Variants in BAIAP3 observed in about 807,000 individuals in gnomAD.
The protein encoded by BAIAP3 is BAI1-associated protein 3.
BAIAP3 carries 180 observed loss-of-function variants against 149.7 expected under a neutral mutation model. The ratio of observed to expected loss-of-function variants is 1.20; its 90% confidence interval spans 1.07 to 1.36. The LOEUF (loss-of-function observed/expected upper bound fraction) is 1.36. BAIAP3 is among the 40% of genes most tolerant of loss of function. The pLI is 0.00. For synonymous variants in BAIAP3, 845 were observed against 670.7 expected, an observed-to-expected ratio of 1.26 and a Z score of -4.02; for missense variants, 1,767 against 1,563.4, an observed-to-expected ratio of 1.13 and a Z score of -2.20.
At chr16:1,342,877 G>C in intron 13 of BAIAP3, 36 bp from the exon 14 acceptor site, 1 of 1,611,786 alleles carries the variant, frequency 6.2e-7, no homozygotes, top group Non-Finnish European at 8.5e-7. Flanking sequence ...ATGTGGGGCT[G>C]TCCCGCCTCC....
rs1171455921 is a variant in BAIAP3 at position 1,346,875 on chromosome 16, C to T, written c.2671C>T (p.Leu891Phe). The T allele has an allele frequency of 6.2e-7, 1 of 1,608,458 alleles. No homozygotes were observed. The highest frequency in any genetic ancestry group is 1.1e-5 in the South Asian group (1 of 90,582). The change falls in exon 28 of 34, where the codon CTC becomes TTC. Residue 891 changes from leucine to phenylalanine, a missense_variant. Transcript: ENST00000426824. ...RVLEALWELL[L>F]QAILQALGAN... The stretch of plus-strand genomic sequence containing the variant: ...GCTGGAGGCCCTGTGGGAGCTACTC[C>T]TCCAGGCCATTCTGCAGGCGCTGGG...
Position 1,346,064 on chromosome 16 carries a change from G to A in BAIAP3, c.2287G>A (p.Ala763Thr). ...CACTCAGCCAGGGGCGGCCGGTGAA[G>A]CAGTGAGCGAGGCGGTGAGTGACCA... ...VDTQPGAAGE[A>T]VSEALCVVLN... Residue 763 changes from alanine (A) to threonine (T), a missense_variant, in exon 24 of 34, where the codon GCA becomes ACA. Coordinates refer to ENST00000426824, the MANE Select transcript of BAIAP3 (RefSeq NM_001199097.2). 1 of 1,611,324 alleles carries A rather than the reference G, an allele frequency of 6.2e-7. No homozygotes were observed. The highest frequency in any genetic ancestry group is 8.5e-7 in the Non-Finnish European group (1 of 1,179,476).
Position 1,345,106 on chromosome 16 carries a change from G to T in BAIAP3, c.1940+7G>T. Reference sequence around the variant, plus strand: ...GGGATAGCATCCCTGGCCGGTGGGTGCCCCGTCCCTATCTCTTGCAGACAG... The same window carrying T: ...GGGATAGCATCCCTGGCCGGTGGGTTCCCCGTCCCTATCTCTTGCAGACAG... On this transcript the variant is annotated splice_region_variant and intron_variant, in intron 21 of 33. Coordinates refer to ENST00000426824, the MANE Select transcript of BAIAP3 (RefSeq NM_001199097.2). The T allele has an allele frequency of 6.2e-7, 1 of 1,612,410 alleles. No individual in the cohort carries two copies. Among genetic ancestry groups the T allele is most frequent in the Non-Finnish European group, 8.5e-7 (1 of 1,179,952 alleles).
chr16:1,342,320 G>T, intron 11 of BAIAP3, 37 bp downstream of exon 11: 1 of 1,597,146 alleles, frequency 6.3e-7, no homozygotes, highest in Non-Finnish European at 8.6e-7. Context: ...GACACTTAGA[G>T]AAGGGCCTGG....
chr16:1,343,608 C>CCCT, intron 15 of BAIAP3, 95 bp downstream of exon 15: 1 of 1,513,090 alleles, frequency 6.6e-7, no homozygotes, highest in Non-Finnish European at 8.9e-7. Context: ...AGAGTCCTGC[C>CCCT]CGCGTGGGGG....
rs758619594 is a variant in BAIAP3, at chr16:1,338,636, A to G, written c.87A>G (p.Pro29=). The change falls in exon 2 of 34, where the codon CCA becomes CCG. Residue 29 remains proline, a synonymous_variant. Coordinates refer to ENST00000426824, the MANE Select transcript of BAIAP3 (RefSeq NM_001199097.2). ...TCCGCCGCAGGACTGAGCAGGACCC[A>G]GGGAGTGCCAGCGCCGACCCGCAGG... ...PSFRRRTEQD[P]GSASADPQEP... The G allele has an allele frequency of 3.8e-6, 6 of 1,598,426 alleles. No homozygotes were observed. The highest frequency in any genetic ancestry group is 1.9e-4 in the Middle Eastern group (1 of 5,308).
In BAIAP3 at chr16:1,346,737, G is replaced by A. The variant is rs542789937; in HGVS notation, c.2642+53G>A. ...GGGCTGGCCCGTGGTCACTGAGGCCGCCCTGCAGGGTGCCGGAGGCCCTGT... is the reference window on the plus strand; with the variant it reads ...GGGCTGGCCCGTGGTCACTGAGGCCACCCTGCAGGGTGCCGGAGGCCCTGT... On this transcript the variant is annotated intron_variant, in intron 27 of 33. Transcript: ENST00000426824. The A allele has an allele frequency of 2.0e-4, 310 of 1,527,572 alleles. 2 individuals carry two copies. The highest frequency in any genetic ancestry group is 7.1e-4 in the South Asian group (59 of 83,450). The allele number at this position is 1,527,572 out of a possible 1,614,324, so 94.6% of individuals were successfully genotyped here. A position where few individuals can be genotyped will look rare whatever the true frequency, so the allele number is the denominator to read the frequency against.
rs771866736 is a variant in BAIAP3, at chr16:1,344,687, C to T, written c.1746C>T (p.Ser582=). ...DLQFCYSVYA[S]LFHSILNVDV... is the part of the protein sequence containing the mutation. ...AGTTCTGCTACAGTGTGTACGCCAGCCTCTTCCACAGGTGGGCCTGGCCCC... is the reference window on the plus strand; with the variant it reads ...AGTTCTGCTACAGTGTGTACGCCAGTCTCTTCCACAGGTGGGCCTGGCCCC... The change falls in exon 19 of 34, where the codon AGC becomes AGT. Residue 582 remains serine, a synonymous_variant. Transcript: ENST00000426824. The T allele has an allele frequency of 6.2e-7, 1 of 1,613,686 alleles. No homozygotes were observed. The highest frequency in any genetic ancestry group is 2.2e-5 in the East Asian group (1 of 44,884).
intron 5 of BAIAP3, 47 bp from the exon 6 acceptor site, chr16:1,340,875 C>G: frequency 6.5e-7 from 1 of 1,544,512 alleles, no homozygotes; most frequent in Non-Finnish European, 8.8e-7. Flanking sequence ...TGGCCAGCCT[C>G]GCTTCAGGGG....
rs1485076938 is a variant in BAIAP3, at chr16:1,339,118, G to C, written c.220-46G>C. 5 of 1,575,866 alleles carry C rather than the reference G, an allele frequency of 3.2e-6. No homozygotes were observed. In the South Asian group the frequency reaches 3.4e-5, roughly 11 times the overall value. On this transcript the variant is annotated intron_variant, in intron 3 of 33. Transcript: ENST00000426824. ...ACCTGTCTTCCCTGCTGCAGGCCTG[G>C]GGCTCTCCCTGCCGTCAGAGCCCTC... is the stretch of plus-strand genomic sequence containing the variant.
At chr16:1,339,141 C>G (rs778269010) in intron 3 of BAIAP3, 23 bp from the exon 4 acceptor site, 2 of 1,568,214 alleles carry the variant, frequency 1.3e-6, no homozygotes, top group African/African-American at 2.7e-5. Context: ...CGTCAGAGCC[C>G]TCACCCTGGG....
intron 8 of BAIAP3, 144 bp downstream of exon 8, chr16:1,341,633 CAGAG>C: frequency 7.9e-7 from 1 of 1,273,786 alleles, no homozygotes; most frequent in South Asian, 1.4e-5. Flanking sequence ...AACTGAGGCC[CAGAG>C]ATGGGCGTTG....
In BAIAP3 at chr16:1,346,464, A is replaced by ATT; in HGVS notation, c.2517_2518insTT (p.Val840LeufsTer22). ...CAGATGGTGGGCGACATCCGCAAGT[A>ATT]TGTACAGCACATCAGTCTCTCGCCT... On this transcript the variant is annotated frameshift_variant, in exon 26 of 34. Transcript: ENST00000426824. LOFTEE classifies it high-confidence loss of function. 1.2e-6 allele frequency: 2 copies of ATT among 1,612,524 alleles called. No homozygotes were observed. The highest frequency in any genetic ancestry group is 1.7e-6 in the Non-Finnish European group (2 of 1,179,758).
chr16:1,339,641 T>C, intron 5 of BAIAP3, 38 bp downstream of exon 5: 1 of 1,520,708 alleles, frequency 6.6e-7, no homozygotes, highest in Non-Finnish European at 9.0e-7. Context: ...CCCTGACAGC[T>C]TCCCCACCTC....
At position 1,340,388 on chromosome 16, in the gene BAIAP3, T is replaced by C. The variant is rs369477233; in HGVS notation, c.409-534T>C. ...AGGTGCACACAGACACGCACACAGGTTGCAGGTGCACACAGATGCACGCAC... is the reference window on the plus strand; with the variant it reads ...AGGTGCACACAGACACGCACACAGGCTGCAGGTGCACACAGATGCACGCAC... On this transcript the variant is annotated intron_variant, in intron 5 of 33. Transcript: ENST00000426824. Among the ~76,000 whole-genome samples, 352 of 56,512 alleles carry C rather than the reference T, an allele frequency of 6.2e-3. 8 individuals are homozygous for C. The highest frequency in any genetic ancestry group is 0.016 in the African/African-American group (272 of 16,572). The allele number at this position is 56,512 out of a possible 152,430, so 37.1% of individuals were successfully genotyped here.
Position 1,343,265 on chromosome 16 carries a change from C to T in BAIAP3, c.1266-128C>T, listed in dbSNP as rs2034058561. 4 of 1,371,914 alleles carry T rather than the reference C, an allele frequency of 2.9e-6. No individual in the cohort carries two copies. In the African/African-American group the frequency reaches 4.3e-5, roughly 15 times the overall value. 85.0% of individuals were successfully genotyped at this position (1,371,914 alleles called of 1,614,324 possible). ...GCTAATTGGAGGGCAGGGAAAGGGGCAGTGCTATGAGTAGGCGCGGCAGTG... is the reference window on the plus strand; with the variant it reads ...GCTAATTGGAGGGCAGGGAAAGGGGTAGTGCTATGAGTAGGCGCGGCAGTG... On this transcript the variant is annotated intron_variant, in intron 14 of 33. Transcript: ENST00000426824.
intron 5 of BAIAP3, 84 bp from the exon 6 acceptor site, chr16:1,340,838 C>A: frequency 7.0e-7 from 1 of 1,426,244 alleles, no homozygotes; most frequent in Non-Finnish European, 9.7e-7. Context: ...GTGTCTGTGA[C>A]GGGCTGAGCC....
chr16:1,344,584 G>T lies in BAIAP3; in HGVS notation c.1660-17G>T. ...ACGGGCAGCCGAGAGGTGGGTACGA[G>T]CTAGGCTTCCTTGCAGCCAGGACCA... On this transcript the variant is annotated splice_polypyrimidine_tract_variant and intron_variant, in intron 18 of 33. Transcript: ENST00000426824. 6.2e-7 allele frequency: 1 copy of T among 1,612,732 alleles called. No individual in the cohort carries two copies. Among genetic ancestry groups the T allele is most frequent in the Non-Finnish European group, 8.5e-7 (1 of 1,179,996 alleles).
In BAIAP3 at chr16:1,346,600, C is replaced by G. The variant is rs201540134; in HGVS notation, c.2563-5C>G. On this transcript the variant is annotated splice_polypyrimidine_tract_variant and splice_region_variant and intron_variant, in intron 26 of 33. Transcript: ENST00000426824. Reference sequence around the variant, plus strand: ...TAAGCCTGGCCTGACCACCCCTGCCCGCAGGCCGTGGCCCCGCTCATGAAG... The same window carrying G: ...TAAGCCTGGCCTGACCACCCCTGCCGGCAGGCCGTGGCCCCGCTCATGAAG... 2 of 1,556,670 alleles carry G rather than the reference C, an allele frequency of 1.3e-6. No homozygotes were observed. Among genetic ancestry groups the G allele is most frequent in the Admixed American group, 3.9e-5 (2 of 51,622 alleles).
Sources: allele counts gnomAD v4.1 joint callset (sites outside exome capture counted in the v4.1 genomes callset), GRCh38; gene constraint gnomAD v4.1.1; transcripts MANE v1.5; gene names NCBI Gene and HGNC (gene_info 2026-07-23, HGNC 2026-07-21).